The following NEUROD2 variants were observed in gnomAD, a reference collection of about 807,000 sequenced individuals.
NEUROD2 encodes neurogenic differentiation factor 2.
In NEUROD2, 5 loss-of-function variants were observed where a neutral mutation model predicts 9.3. The observed-to-expected ratio is 0.54, with a 90% CI of 0.28 to 1.13. NEUROD2 has a LOEUF of 1.13. Ranked by LOEUF, NEUROD2 falls within the 50% of genes most tolerant of loss-of-function variation. NEUROD2 has a pLI of 0.10. For synonymous variants in NEUROD2, 277 were observed against 257.3 expected (o/e 1.08, Z -0.73); for missense variants, 376 against 549.2 (o/e 0.68, Z 3.15).
chr17:39,605,433 G>A lies in NEUROD2; in HGVS notation c.*18C>T. ...GCGGGCAAAGGCAAAAGAAAAAGAA[G>A]GGAGCCGGCGCGAAGTCTCAGTTAT... On this transcript the variant is annotated 3_prime_UTR_variant, in exon 2 of 2. Transcript: ENST00000302584. The surrounding 1 kb of genome is among the most constrained non-coding windows in gnomAD (Gnocchi z 6.8). 1 of 1,541,350 alleles carries A rather than the reference G, an allele frequency of 6.5e-7. No homozygotes were observed. The highest frequency in any genetic ancestry group is 8.8e-7 in the Non-Finnish European group (1 of 1,138,912).
At position 39,605,581 on chromosome 17, in the gene NEUROD2, T is replaced by C. The variant is rs755464514; in HGVS notation, c.1019A>G (p.His340Arg). Residue 340 changes from histidine to arginine, a missense_variant, in exon 2 of 2, where the codon CAC (histidine) becomes CGC (arginine). Physicochemically the swap from His to Arg is conservative, Grantham distance 29 (BLOSUM62 0). Coordinates refer to ENST00000302584, the MANE Select transcript of NEUROD2 (RefSeq NM_006160.4). This position sits in a 1 kb window ranked among gnomAD's most constrained non-coding sequence, Gnocchi z 6.8. ...AGCCGACGAGCCGAAGACTAGCCCG[T>C]GGCCCGTGGGCCGCGAACCGGGCAG... ...SALPGSRPTG[H>R]GLVFGSSAVR... 1 of 1,613,714 alleles carries C rather than the reference T, an allele frequency of 6.2e-7. No homozygotes were observed. The highest frequency in any genetic ancestry group is 8.5e-7 in the Non-Finnish European group (1 of 1,179,858).
rs756693947 is a variant in NEUROD2, at chr17:39,605,402, A to AG, written c.*48dup. 5 of 1,482,812 alleles carry AG rather than the reference A, an allele frequency of 3.4e-6. No homozygotes were observed. In the Admixed American group the frequency reaches 6.7e-5, roughly 20 times the overall value. The allele number at this position is 1,482,812 out of a possible 1,614,324, so 91.9% of individuals were successfully genotyped here. A position where few individuals can be genotyped will look rare whatever the true frequency, so the allele number is the denominator to read the frequency against. On this transcript the variant is annotated 3_prime_UTR_variant, in exon 2 of 2. Transcript: ENST00000302584. This position sits in a 1 kb window ranked among gnomAD's most constrained non-coding sequence, Gnocchi z 6.8. ...TCCCTGCGCTCTGGGGGCTGGGGAC[A>AG]GGGGGGCGGGCAAAGGCAAAAGAAA...
rs562247791 is a variant in NEUROD2, at chr17:39,606,657, C to T, written c.-5-53G>A. On this transcript the variant is annotated intron_variant, in intron 1 of 1. Transcript: ENST00000302584. The surrounding 1 kb of genome is among the most constrained non-coding windows in gnomAD (Gnocchi z 7.8). ...GAGACAGACAGCACAAAGTGAGGGG[C>T]GCGCTGGGGTACCGACGCCCCCCCA... 222 of 1,453,428 alleles carry T rather than the reference C, an allele frequency of 1.5e-4. No homozygotes were observed. In the African/African-American group the frequency reaches 2.7e-3, roughly 18 times the overall value. The allele number at this position is 1,453,428 out of a possible 1,614,324, so 90.0% of individuals were successfully genotyped here. A position where few individuals can be genotyped will look rare whatever the true frequency, so the allele number is the denominator to read the frequency against.
Position 39,606,385 on chromosome 17 carries a change from T to G in NEUROD2, c.215A>C (p.Glu72Ala). Residue 72 changes from glutamate (E) to alanine (A), a missense_variant, in exon 2 of 2, where the codon GAG becomes GCG. Transcript: ENST00000302584. The surrounding 1 kb of genome is among the most constrained non-coding windows in gnomAD (Gnocchi z 7.8). ...GEEGTEATLA[E>A]VKEEGELGGE... The stretch of plus-strand genomic sequence containing the variant: ...CCCCAGCTCGCCTTCCTCCTTGACC[T>G]CGGCCAACGTGGCCTCCGTCCCCTC... 6.4e-7 allele frequency: 1 copy of G among 1,554,454 alleles called. No individual in the cohort carries two copies. Among genetic ancestry groups the G allele is most frequent in the Non-Finnish European group, 8.7e-7 (1 of 1,152,134 alleles).
Position 39,605,512 on chromosome 17 carries a change from A to G in NEUROD2, c.1088T>C (p.Met363Thr). 6.2e-7 allele frequency: 1 copy of G among 1,612,936 alleles called. No homozygotes were observed. The highest frequency in any genetic ancestry group is 2.2e-5 in the East Asian group (1 of 44,824). The change falls in exon 2 of 2, where the codon ATG becomes ACG. Residue 363 changes from methionine (M) to threonine (T), a missense_variant. Physicochemically the swap from Met to Thr is moderately conservative, Grantham distance 81. Transcript: ENST00000302584. The surrounding 1 kb of genome is among the most constrained non-coding windows in gnomAD (Gnocchi z 6.8). ...VHSENLLSYD[M>T]HLHHDRGPMY... is the part of the protein sequence containing the mutation. ...GGGGCCCCGGTCGTGGTGAAGGTGC[A>G]TATCGTAAGACAAGAGATTCTCCGA...
chr17:39,606,805 G>C lies in NEUROD2; in HGVS notation c.-5-201C>G, dbSNP rs1421111271. On this transcript the variant is annotated intron_variant, in intron 1 of 1. Coordinates refer to ENST00000302584, the MANE Select transcript of NEUROD2 (RefSeq NM_006160.4). This position sits in a 1 kb window ranked among gnomAD's most constrained non-coding sequence, Gnocchi z 7.8. ...TACCCGGCTGCCGGCCTGGGATCTC[G>C]GCCCAGGCCCTCTCCCCGGCGCTGG... 7.0e-5 allele frequency: 37 copies of C among 526,544 alleles called. No homozygotes were observed. The South Asian group carries it at 9.4e-4, about 13-fold the overall frequency. The allele number at this position is 526,544 out of a possible 1,614,324, so 32.6% of individuals were successfully genotyped here.
Position 39,605,402 on chromosome 17 carries a change from AGG to A in NEUROD2, c.*47_*48del. On this transcript the variant is annotated 3_prime_UTR_variant, in exon 2 of 2. Coordinates refer to ENST00000302584, the MANE Select transcript of NEUROD2 (RefSeq NM_006160.4). This position sits in a 1 kb window ranked among gnomAD's most constrained non-coding sequence, Gnocchi z 6.8. ...TCCCTGCGCTCTGGGGGCTGGGGAC[AGG>A]GGGGCGGGCAAAGGCAAAAGAAAAA... 1 of 1,482,934 alleles carries A rather than the reference AGG, an allele frequency of 6.7e-7. No homozygotes were observed. Among genetic ancestry groups the A allele is most frequent in the Non-Finnish European group, 9.0e-7 (1 of 1,109,656 alleles). The allele number at this position is 1,482,934 out of a possible 1,614,324, so 91.9% of individuals were successfully genotyped here.
In NEUROD2 at chr17:39,607,716, C is replaced by G. The variant is rs1308974002; in HGVS notation, c.-6+12G>C. 1.2e-6 allele frequency: 1 copy of G among 821,870 alleles called. No homozygotes were observed. Among genetic ancestry groups the G allele is most frequent in the African/African-American group, 1.9e-5 (1 of 52,572 alleles). 50.9% of individuals were successfully genotyped at this position (821,870 alleles called of 1,614,324 possible). On this transcript the variant is annotated intron_variant, in intron 1 of 1. Transcript: ENST00000302584. ...CGGCGGGTCAGATCTCGCTCCCTTT[C>G]GGACAACTTACCTCGGAGAGGAGTC...
Position 39,606,613 on chromosome 17 carries a change from GC to G in NEUROD2, c.-5-10del. 6.5e-7 allele frequency: 1 copy of G among 1,537,038 alleles called. No homozygotes were observed. The highest frequency in any genetic ancestry group is 1.4e-5 in the African/African-American group (1 of 70,318). ...GCGGGTCAGCATGGTGCCTGAGGGCGCCCCGCGGGCGGGAAGGGGAGACAGA... is the reference window on the plus strand; with the variant it reads ...GCGGGTCAGCATGGTGCCTGAGGGCGCCCGCGGGCGGGAAGGGGAGACAGA... On this transcript the variant is annotated splice_polypyrimidine_tract_variant and intron_variant, in intron 1 of 1. Coordinates refer to ENST00000302584, the MANE Select transcript of NEUROD2 (RefSeq NM_006160.4). The surrounding 1 kb of genome is among the most constrained non-coding windows in gnomAD (Gnocchi z 7.8).
Position 39,606,678 on chromosome 17 carries a change from C to T in NEUROD2, c.-5-74G>A. On this transcript the variant is annotated intron_variant, in intron 1 of 1. Transcript: ENST00000302584. This position sits in a 1 kb window ranked among gnomAD's most constrained non-coding sequence, Gnocchi z 7.8. ...GGGGCGCGCTGGGGTACCGACGCCC[C>T]CCCACAACCCTCCTCCACCCCCGAG... 2.2e-6 allele frequency: 3 copies of T among 1,385,596 alleles called. No individual in the cohort carries two copies. The highest frequency in any genetic ancestry group is 5.2e-4 in the Middle Eastern group (2 of 3,882). 85.8% of individuals were successfully genotyped at this position (1,385,596 alleles called of 1,614,324 possible).
rs1281618366 is a variant in NEUROD2, at chr17:39,604,849, A to ATTGTC, written c.*597_*601dup. On this transcript the variant is annotated 3_prime_UTR_variant, in exon 2 of 2. Coordinates refer to ENST00000302584, the MANE Select transcript of NEUROD2 (RefSeq NM_006160.4). ...AGGGAAAAACGGATTCTAGTTACAA[A>ATTGTC]TTGTCTTGGCCTCTCTCTTTCCTCT... is the stretch of plus-strand genomic sequence containing the variant. 1 of 124,684 alleles carries ATTGTC rather than the reference A, an allele frequency of 8.0e-6. No homozygotes were observed. The highest frequency in any genetic ancestry group is 3.1e-5 in the African/African-American group (1 of 32,272). The allele number at this position is 124,684 out of a possible 1,614,324, so 7.7% of individuals were successfully genotyped here.
Position 39,605,902 on chromosome 17 carries a change from G to T in NEUROD2, c.698C>A (p.Pro233Gln), listed in dbSNP as rs1416136090. Residue 233 changes from proline to glutamine, a missense_variant, in exon 2 of 2, where the codon CCG becomes CAG. By Grantham distance (76) the Pro-to-Gln change is moderately conservative (BLOSUM62 -1). This residue lies in a region of NEUROD2 where 193 missense variants were observed against 255.8 expected (regional missense o/e 0.75). Transcript: ENST00000302584. This position sits in a 1 kb window ranked among gnomAD's most constrained non-coding sequence, Gnocchi z 6.8. Reference protein sequence around the residue: ...GAGRFHGSGGPFAMHPYPYPC... With the variant: ...GAGRFHGSGGQFAMHPYPYPC... ...GTACGGGTAGGGGTGCATGGCGAAC[G>T]GGCCGCCCGAGCCGTGGAAGCGGCC... The T allele has an allele frequency of 4.4e-6, 7 of 1,605,864 alleles. No individual in the cohort carries two copies. Among genetic ancestry groups the T allele is most frequent in the Non-Finnish European group, 5.9e-6 (7 of 1,177,566 alleles).
In NEUROD2 at chr17:39,605,585, CCGTGGGCCG is replaced by C. The variant is rs1352212805; in HGVS notation, c.1006_1014del (p.Arg336_Thr338del). ...GACGAGCCGAAGACTAGCCCGTGGC[CCGTGGGCCG>C]CGAACCGGGCAGCGCCGAGTAGTGC... On this transcript the variant is annotated inframe_deletion, in exon 2 of 2. Coordinates refer to ENST00000302584, the MANE Select transcript of NEUROD2 (RefSeq NM_006160.4). The surrounding 1 kb of genome is among the most constrained non-coding windows in gnomAD (Gnocchi z 6.8). 6.2e-7 allele frequency: 1 copy of C among 1,613,762 alleles called. No homozygotes were observed. The highest frequency in any genetic ancestry group is 2.2e-5 in the East Asian group (1 of 44,846).
chr17:39,607,233 G>A (rs2056773086), intron 1 of NEUROD2: 1 of 152,236 alleles, frequency 6.6e-6, no homozygotes, highest in African/African-American at 2.4e-5. Flanking sequence ...TCTGGGCGGC[G>A]AGGACTGAAG....
At position 39,605,369 on chromosome 17, in the gene NEUROD2, TG is replaced by T; in HGVS notation, c.*81del. ...CCCCGCGCCCGGCGCCGGGGTAGGA[TG>T]GGGGTGTCCCTGCGCTCTGGGGGCT... On this transcript the variant is annotated 3_prime_UTR_variant, in exon 2 of 2. Transcript: ENST00000302584. The surrounding 1 kb of genome is among the most constrained non-coding windows in gnomAD (Gnocchi z 6.8). The T allele has an allele frequency of 1.4e-6, 2 of 1,408,502 alleles. No individual in the cohort carries two copies. Among genetic ancestry groups the T allele is most frequent in the Non-Finnish European group, 1.9e-6 (2 of 1,065,248 alleles). The allele number at this position is 1,408,502 out of a possible 1,614,324, so 87.3% of individuals were successfully genotyped here. A position where few individuals can be genotyped will look rare whatever the true frequency, so the allele number is the denominator to read the frequency against.
In NEUROD2 at chr17:39,605,682, A is replaced by G. The variant is rs1337520471; in HGVS notation, c.918T>C (p.Asn306=). Residue 306 remains asparagine, a synonymous_variant, in exon 2 of 2, where the codon AAT becomes AAC. Transcript: ENST00000302584. The surrounding 1 kb of genome is among the most constrained non-coding windows in gnomAD (Gnocchi z 6.8). Reference sequence around the variant, plus strand: ...AGTCCTGCTTGAGTGAGAAGTTGCCATTGAGACAGAGCGGGGGGCTGAGCG... The same window carrying G: ...AGTCCTGCTTGAGTGAGAAGTTGCCGTTGAGACAGAGCGGGGGGCTGAGCG... ...EGPLSPPLCL[N]GNFSLKQDSS... The G allele has an allele frequency of 6.2e-7, 1 of 1,611,104 alleles. No homozygotes were observed. The highest frequency in any genetic ancestry group is 8.5e-7 in the Non-Finnish European group (1 of 1,178,760).
Position 39,606,056 on chromosome 17 carries a change from G to T in NEUROD2, c.544C>A (p.Arg182=). 3 of 1,613,914 alleles carry T rather than the reference G, an allele frequency of 1.9e-6. No homozygotes were observed. Among genetic ancestry groups the T allele is most frequent in the Non-Finnish European group, 2.5e-6 (3 of 1,179,806 alleles). ...ALSEILRSGK[R]PDLVSYVQTL... is the part of the protein sequence containing the mutation. ...TGCACGTAGGACACTAGGTCTGGCC[G>T]CTTGCCGGAGCGCAGGATCTCCGAG... The change falls in exon 2 of 2, where the codon CGG becomes AGG. Residue 182 remains arginine (R), a synonymous_variant. Coordinates refer to ENST00000302584, the MANE Select transcript of NEUROD2 (RefSeq NM_006160.4). This position sits in a 1 kb window ranked among gnomAD's most constrained non-coding sequence, Gnocchi z 7.8.
Position 39,606,729 on chromosome 17 carries a change from A to C in NEUROD2, c.-5-125T>G. 9.6e-7 allele frequency: 1 copy of C among 1,044,434 alleles called. No individual in the cohort carries two copies. Among genetic ancestry groups the C allele is most frequent in the Non-Finnish European group, 1.3e-6 (1 of 769,062 alleles). The allele number at this position is 1,044,434 out of a possible 1,614,324, so 64.7% of individuals were successfully genotyped here. On this transcript the variant is annotated intron_variant, in intron 1 of 1. Transcript: ENST00000302584. The surrounding 1 kb of genome is among the most constrained non-coding windows in gnomAD (Gnocchi z 7.8). ...TCTCGTGCGGGCTCCTGCCTAGGCT[A>C]CCCTGGATGCCCACCTCCGCCGCCT...
chr17:39,606,384 C>A lies in NEUROD2; in HGVS notation c.216G>T (p.Glu72Asp), dbSNP rs201244384. ...GEEGTEATLAEVKEEGELGGE... is the reference protein window; with the variant it reads ...GEEGTEATLADVKEEGELGGE... Reference sequence around the variant, plus strand: ...CCCCCAGCTCGCCTTCCTCCTTGACCTCGGCCAACGTGGCCTCCGTCCCCT... The same window carrying A: ...CCCCCAGCTCGCCTTCCTCCTTGACATCGGCCAACGTGGCCTCCGTCCCCT... Residue 72 changes from glutamate (E) to aspartate (D), a missense_variant, in exon 2 of 2, where the codon GAG (glutamate) becomes GAT (aspartate). By Grantham distance (45) the Glu-to-Asp change is conservative. Coordinates refer to ENST00000302584, the MANE Select transcript of NEUROD2 (RefSeq NM_006160.4). The surrounding 1 kb of genome is among the most constrained non-coding windows in gnomAD (Gnocchi z 7.8). The A allele has an allele frequency of 1.3e-4, 205 of 1,556,192 alleles. No homozygotes were observed. In the African/African-American group the frequency reaches 2.6e-3, roughly 19 times the overall value.
Sources: gnomAD v4.1 joint callset for allele counts on GRCh38, gnomAD v4.1.1 for gene constraint, gnomAD v4.1.1 regional missense constraint, Gnocchi (gnomAD v3.1) non-coding constraint, MANE v1.5 for transcripts, NCBI Gene and HGNC (gene_info 2026-07-23, HGNC 2026-07-21) for gene names.